Variants in USP20 observed in about 807,000 individuals in gnomAD.
The protein encoded by USP20 is ubiquitin carboxyl-terminal hydrolase 20.
USP20 carries 80 observed loss-of-function variants against 124.2 expected under a neutral mutation model. The ratio of observed to expected loss-of-function variants is 0.64; its 90% CI spans 0.54 to 0.78. The LOEUF (loss-of-function observed/expected upper bound fraction) is 0.78, where lower values mean the gene tolerates loss of function less well. USP20 is among the 30% of genes least tolerant of loss of function. USP20 has a pLI of 0.00. For synonymous variants in USP20, 481 were observed against 512.3 expected (o/e 0.94, Z 0.83); for missense variants, 1,043 against 1,244.4 (o/e 0.84, Z 2.44).
chr9:129,880,021 G>A (rs1243443028), intron 24 of USP20, 92 bp from the exon 25 acceptor site: 57 of 1,489,138 alleles, frequency 3.8e-5, no homozygotes, highest in Middle Eastern at 1.8e-4. Context: ...TTCCCGCTTC[G>A]GGGCCTGGCC....
chr9:129,863,327 C>T (rs372729999), intron 9 of USP20, 28 bp downstream of exon 9: 57 of 1,511,338 alleles, frequency 3.8e-5, no homozygotes, highest in Admixed American at 6.0e-5. Flanking sequence ...TAGCCTTGGG[C>T]GGTGTGTGGG....
intron 1 of USP20, among the ~76,000 whole-genome samples, chr9:129,846,068 G>A (rs548755921): frequency 6.6e-6 from 1 of 151,458 alleles, no homozygotes; most frequent in Non-Finnish European, 1.5e-5. Flanking sequence ...GGGACTACAG[G>A]CGTCCGCCAC....
At chr9:129,848,140 T>C (rs2032692296) in intron 1 of USP20, among the ~76,000 whole-genome samples, 1 of 152,132 alleles carries the variant, frequency 6.6e-6, no homozygotes, top group African/African-American at 2.4e-5. Flanking sequence ...CTACTAAAAA[T>C]ATAAAATTAG....
In USP20 at chr9:129,837,924, A is replaced by G. The variant is rs920342584; in HGVS notation, c.-129+2425A>G. Among the ~76,000 whole-genome samples, 4 of 152,174 alleles carry G rather than the reference A, an allele frequency of 2.6e-5. No individual in the cohort carries two copies. In the South Asian group the frequency reaches 8.3e-4, roughly 32 times the overall value. On this transcript the variant is annotated intron_variant, in intron 1 of 25. Coordinates refer to ENST00000372429, the MANE Select transcript of USP20 (RefSeq NM_001110303.4). ...TCAAGTCCTGATTGTGGGGTATTTA[A>G]CAGTGATGAAAGAGCCAGGCTGTTC...
intron 1 of USP20, among the ~76,000 whole-genome samples, chr9:129,840,766 CTTTTT>C (rs34092925): frequency 8.3e-6 from 1 of 120,480 alleles, no homozygotes; most frequent in African/African-American, 3.1e-5. Flanking sequence ...CCTTTAGAAA[CTTTTT>C]TTTTTTTTTT....
chr9:129,859,255 A>ATTTATTTTATTTTATTTTATTTTAT lies in USP20; in HGVS notation c.330+662_330+686dup, dbSNP rs71385479. On this transcript the variant is annotated intron_variant, in intron 6 of 25. Transcript: ENST00000372429. ...CAGCATCTGCATGGCTCTCTCCTCC[A>ATTTATTTTATTTTATTTTATTTTAT]TTTATTTTATTTTATTTTATTTTAT... 5.5e-4 allele frequency among the ~76,000 whole-genome samples: 38 copies of ATTTATTTTATTTTATTTTATTTTAT among 69,392 alleles called. 4 individuals are homozygous for ATTTATTTTATTTTATTTTATTTTAT. Among genetic ancestry groups the ATTTATTTTATTTTATTTTATTTTAT allele is most frequent in the African/African-American group, 1.6e-3 (33 of 21,002 alleles). 45.5% of individuals were successfully genotyped at this position (69,392 alleles called of 152,430 possible).
At chr9:129,867,107 A>T (rs1108533) in intron 10 of USP20, among the ~76,000 whole-genome samples, 131,404 of 152,190 alleles carry the variant, frequency 0.86, 57,128 homozygotes, top group East Asian at 1. Flanking sequence ...GCTTCTAACA[A>T]CCAGGTCAGG....
At chr9:129,844,786 A>G (rs1183390113) in intron 1 of USP20, among the ~76,000 whole-genome samples, 2 of 151,636 alleles carry the variant, frequency 1.3e-5, no homozygotes, top group East Asian at 1.9e-4. Context: ...GAAGGTATAT[A>G]TCAAATTTAT....
At chr9:129,875,766 G>T in intron 21 of USP20, 125 bp downstream of exon 21, 2 of 869,706 alleles carry the variant, frequency 2.3e-6, no homozygotes, top group Middle Eastern at 2.4e-4. Context: ...CACGTGGGCA[G>T]CACAGAGCCG....
chr9:129,841,987 G>C (rs72755262), intron 1 of USP20, among the ~76,000 whole-genome samples: 3 of 151,966 alleles, frequency 2.0e-5, no homozygotes, highest in Non-Finnish European at 4.4e-5. Flanking sequence ...CTAATGTATA[G>C]AACAGCCAGT....
chr9:129,870,865 A>C (rs1280464129), intron 15 of USP20, among the ~76,000 whole-genome samples: 1 of 152,202 alleles, frequency 6.6e-6, no homozygotes, highest in Admixed American at 6.5e-5. Flanking sequence ...ATTTTTTGTT[A>C]AATATACTGG....
intron 8 of USP20, among the ~76,000 whole-genome samples, chr9:129,862,552 CA>C (rs5900869): frequency 1.5e-5 from 2 of 133,294 alleles, no homozygotes. Context: ...GACTCCGTCT[CA>C]AAAAAAAAAA....
chr9:129,873,615 C>T, intron 16 of USP20, 84 bp from the exon 17 acceptor site: 1 of 1,613,428 alleles, frequency 6.2e-7, no homozygotes, highest in Non-Finnish European at 8.5e-7. Flanking sequence ...CCTGCCTTCC[C>T]AGAAGGGAGC....
chr9:129,860,335 G>GGA (rs2033474001), intron 6 of USP20, among the ~76,000 whole-genome samples: 1 of 149,316 alleles, frequency 6.7e-6, no homozygotes, highest in Non-Finnish European at 1.5e-5. Flanking sequence ...GTCTCAAAAA[G>GGA]AAAAAAAAAA....
At chr9:129,866,682 T>C (rs112522935) in intron 10 of USP20, among the ~76,000 whole-genome samples, 47 of 152,322 alleles carry the variant, frequency 3.1e-4, no homozygotes, top group African/African-American at 9.9e-4. Flanking sequence ...GGATATCGTG[T>C]GGGGACACTT....
At chr9:129,876,505 GGCAGGTGCCT>G (rs1330823108) in intron 22 of USP20, among the ~76,000 whole-genome samples, 1 of 152,138 alleles carries the variant, frequency 6.6e-6, no homozygotes, top group African/African-American at 2.4e-5. Flanking sequence ...TGGGCTTGGT[GGCAGGTGCCT>G]GTAATCCCAG....
intron 4 of USP20, 86 bp from the exon 5 acceptor site, chr9:129,857,964 A>C: frequency 1.6e-6 from 2 of 1,263,640 alleles, no homozygotes; most frequent in Non-Finnish European, 2.3e-6. Context: ...AGGTAGGGGC[A>C]CTGACTTTGG....
intron 13 of USP20, 83 bp from the exon 14 acceptor site, chr9:129,869,589 C>T (rs2034013186): frequency 6.3e-7 from 1 of 1,574,940 alleles, no homozygotes. Context: ...GGGAGTAGTC[C>T]CTCTGCCCCT....
Position 129,873,784 on chromosome 9 carries a change from C to A in USP20, c.1740+40C>A, listed in dbSNP as rs372677357. ...TCGGCAGCCTCCTCCTCAGCTATCT[C>A]GGGATGCACACCAGCACACACCAGG... On this transcript the variant is annotated intron_variant, in intron 17 of 25. Coordinates refer to ENST00000372429, the MANE Select transcript of USP20 (RefSeq NM_001110303.4). 7.5e-6 allele frequency: 12 copies of A among 1,604,932 alleles called. No individual in the cohort carries two copies. In the Admixed American group the frequency reaches 1.7e-4, roughly 22 times the overall value.
Sources: gnomAD v4.1 joint callset for allele counts (sites outside exome capture counted in the v4.1 genomes callset) on GRCh38, gnomAD v4.1.1 for gene constraint, MANE v1.5 for transcripts, NCBI Gene and HGNC (gene_info 2026-07-23, HGNC 2026-07-21) for gene names.